Variants in GNG2 observed in about 807,000 individuals in gnomAD.
The protein encoded by GNG2 is guanine nucleotide-binding protein G(I)/G(S)/G(O) subunit gamma-2.
In GNG2, 5 loss-of-function variants were observed where a neutral mutation model predicts 5.5. That is an observed-to-expected ratio of 0.91 (90% CI 0.48 to 1.92). The LOEUF (loss-of-function observed/expected upper bound fraction) is 1.92, where lower values mean the gene tolerates loss of function less well. Among genes scored for constraint, GNG2 ranks in the 30% most tolerant of loss-of-function variants. The pLI, the probability that GNG2 is intolerant of heterozygous loss-of-function variation, is 0.01. For missense variants in GNG2, 55 were observed against 88.4 expected (o/e 0.62, Z 1.52); for synonymous variants, 28 against 32.0 (o/e 0.88, Z 0.42).
chr14:51,868,917 C>T (rs972145644), intron 1 of GNG2, among the ~76,000 whole-genome samples: 1 of 152,210 alleles, frequency 6.6e-6, no homozygotes, highest in Admixed American at 6.5e-5. Context: ...GCAATCAGCA[C>T]TACACTACTT....
At chr14:51,938,561 G>C (rs992718166) in intron 2 of GNG2, among the ~76,000 whole-genome samples, 2 of 152,160 alleles carry the variant, frequency 1.3e-5, no homozygotes, top group Non-Finnish European at 2.9e-5. Context: ...TTTTCTCACT[G>C]TAAAACAGCT....
intron 3 of GNG2, among the ~76,000 whole-genome samples, 166 bp downstream of exon 3, chr14:51,950,931 A>G (rs945761840): frequency 8.5e-5 from 13 of 152,296 alleles, no homozygotes; most frequent in African/African-American, 3.1e-4. Context: ...GCATAAAATA[A>G]TAGAATGAAT....
chr14:51,923,032 T>C (rs149807887), intron 2 of GNG2, among the ~76,000 whole-genome samples: 17 of 152,366 alleles, frequency 1.1e-4, no homozygotes, highest in Non-Finnish European at 1.9e-4. Flanking sequence ...AGCAAATAAC[T>C]TTCTTTATGG....
intron 2 of GNG2, among the ~76,000 whole-genome samples, chr14:51,942,592 T>TCTCTC (rs574783206): frequency 5.6e-4 from 74 of 132,140 alleles, no homozygotes; most frequent in Middle Eastern, 3.6e-3. Flanking sequence ...TTTCTTTCTT[T>TCTCTC]TTTTTTTTTT....
intron 2 of GNG2, among the ~76,000 whole-genome samples, chr14:51,853,908 T>G (rs868728338): frequency 1.9e-4 from 29 of 151,876 alleles, no homozygotes; most frequent in East Asian, 7.7e-4. Context: ...CTTTTTTTTT[T>G]GGGACAGAGT....
chr14:51,945,982 C>T (rs1412582157), intron 2 of GNG2, among the ~76,000 whole-genome samples: 1 of 152,034 alleles, frequency 6.6e-6, no homozygotes, highest in East Asian at 1.9e-4. Flanking sequence ...TCAGATAAAC[C>T]AGGAATAGAG....
chr14:51,893,270 A>C (rs902203997), intron 2 of GNG2, among the ~76,000 whole-genome samples: 18 of 152,328 alleles, frequency 1.2e-4, no homozygotes, highest in African/African-American at 4.3e-4. Flanking sequence ...CCTAGTCATC[A>C]CTGGAAATTA....
At chr14:51,966,229 A>AG (rs1889897564) in intron 3 of GNG2, among the ~76,000 whole-genome samples, 5 of 149,242 alleles carry the variant, frequency 3.4e-5, no homozygotes, top group East Asian at 1.9e-4. Context: ...AAAAAAAAAA[A>AG]AAAAAAAACA....
intron 2 of GNG2, among the ~76,000 whole-genome samples, chr14:51,923,512 T>C (rs1887139722): frequency 6.7e-6 from 1 of 149,590 alleles, no homozygotes. Flanking sequence ...TGTGTGTATG[T>C]GTATATATAT....
intron 2 of GNG2, among the ~76,000 whole-genome samples, chr14:51,916,659 G>A (rs753389042): frequency 6.6e-6 from 1 of 152,190 alleles, no homozygotes; most frequent in Non-Finnish European, 1.5e-5. Flanking sequence ...ACCTGCCTGC[G>A]GTGTGGTGGA....
rs552090517 is a variant in GNG2, at chr14:51,849,951, A to G, written c.64+22144A>G. Among the ~76,000 whole-genome samples the G allele has an allele frequency of 3.3e-5, 5 of 152,156 alleles. No individual in the cohort carries two copies. The South Asian group carries it at 1.0e-3, about 32-fold the overall frequency. On this transcript the variant is annotated intron_variant, in intron 2 of 3. Coordinates refer to the GNG2 transcript ENST00000553432. ...TAGCCTCCCAAGTAGTTGGGACTATAGGCGGGTACCACCATGCCTGCCTAA... is the reference window on the plus strand; with the variant it reads ...TAGCCTCCCAAGTAGTTGGGACTATGGGCGGGTACCACCATGCCTGCCTAA...
rs576750156 is a variant in GNG2 at position 51,966,715 on chromosome 14, C to T, written c.*28C>T. 2.3e-5 allele frequency: 37 copies of T among 1,605,842 alleles called. No homozygotes were observed. The highest frequency in any genetic ancestry group is 8.8e-5 in the South Asian group (8 of 90,912). On this transcript the variant is annotated 3_prime_UTR_variant, in exon 4 of 4. Transcript: ENST00000556766. ...CTTTGAGAGGGGCCTGAAGAGCCTC[C>T]GGGCTCCTGGGACATTGATGTAGAG...
At chr14:51,899,680 T>TC (rs1326153615) in intron 2 of GNG2, among the ~76,000 whole-genome samples, 9 of 152,236 alleles carry the variant, frequency 5.9e-5, no homozygotes, top group African/African-American at 2.2e-4. Flanking sequence ...TATTCTGCCC[T>TC]CCCCCCAGTC....
intron 3 of GNG2, among the ~76,000 whole-genome samples, chr14:51,957,837 T>C (rs1889359237): frequency 6.6e-6 from 1 of 152,202 alleles, no homozygotes; most frequent in Non-Finnish European, 1.5e-5. Flanking sequence ...AGAATGTCAC[T>C]CAGTTTGGGT....
intron 3 of GNG2, among the ~76,000 whole-genome samples, chr14:51,963,967 A>T (rs1301543035): frequency 6.6e-6 from 1 of 152,232 alleles, no homozygotes; most frequent in Non-Finnish European, 1.5e-5. Flanking sequence ...CCTAAAATTT[A>T]TGCCCACCTG....
chr14:51,928,861 C>T (rs1157440025), intron 2 of GNG2, among the ~76,000 whole-genome samples: 1 of 152,164 alleles, frequency 6.6e-6, no homozygotes, highest in African/African-American at 2.4e-5. Context: ...GCGTGAGCCA[C>T]CGCGCCTGGC....
intron 3 of GNG2, among the ~76,000 whole-genome samples, chr14:51,962,750 T>G (rs1423414843): frequency 6.6e-6 from 1 of 152,144 alleles, no homozygotes; most frequent in Non-Finnish European, 1.5e-5. Flanking sequence ...ATGGAAGAAG[T>G]AGGCATACGA....
intron 1 of GNG2, among the ~76,000 whole-genome samples, chr14:51,876,748 T>G (rs1883696744): frequency 6.6e-6 from 1 of 152,116 alleles, no homozygotes; most frequent in South Asian, 2.1e-4. Context: ...CAGGCCAGTC[T>G]CAAGTAATGT....
At chr14:51,950,541 C>G in intron 2 of GNG2, 109 bp from the exon 3 acceptor site, 1 of 662,124 alleles carries the variant, frequency 1.5e-6, no homozygotes, top group Non-Finnish European at 2.6e-6. Flanking sequence ...GCTGGAGAAG[C>G]CAGGCCTGGC....
Sources: allele counts gnomAD v4.1 joint callset (sites outside exome capture counted in the v4.1 genomes callset), GRCh38; gene constraint gnomAD v4.1.1; transcripts MANE v1.5; gene names NCBI Gene and HGNC (gene_info 2026-07-23, HGNC 2026-07-21).